Variants in GRID2 observed in about 807,000 individuals in gnomAD.
The protein encoded by GRID2 is glutamate ionotropic receptor delta type subunit 2, also known as glutamate receptor ionotropic, delta-2.
Under a neutral mutation model 114.8 loss-of-function variants are expected in GRID2, and 33 were observed. That is an observed-to-expected ratio of 0.29 (90% CI 0.22 to 0.38). GRID2 has a LOEUF of 0.38. Among genes scored for constraint, GRID2 ranks in the 10% least tolerant of loss-of-function variants. GRID2 has a pLI of 1.00. For synonymous variants in GRID2, 505 were observed against 449.9 expected (o/e 1.12, Z -1.55); for missense variants, 1,184 against 1,257.7 (o/e 0.94, Z 0.89).
chr4:93,794,025 G>GA (rs71581558), intron 1 of GRID2, among the ~76,000 whole-genome samples: 17,990 of 146,606 alleles, frequency 0.12, 1,353 homozygotes, highest in East Asian at 0.38. Flanking sequence ...CCCATCTGCA[G>GA]AAAAAAAAAA....
intron 2 of GRID2, among the ~76,000 whole-genome samples, chr4:92,879,329 C>A (rs1745842594): frequency 1.3e-5 from 2 of 151,984 alleles, no homozygotes; most frequent in Non-Finnish European, 2.9e-5. Flanking sequence ...AAATGACACC[C>A]AAAATAGTAC....
chr4:93,682,541 A>T lies in GRID2; in HGVS notation c.2360+56106A>T, dbSNP rs554846830. ...GACTTGGAACCAAGCCAAATGTCCA[A>T]CAATGATAGACTGGATTAAGAAAAT... On this transcript the variant is annotated intron_variant, in intron 14 of 15. Coordinates refer to ENST00000282020, the MANE Select transcript of GRID2 (RefSeq NM_001510.4). 1.1e-4 allele frequency among the ~76,000 whole-genome samples: 16 copies of T among 152,218 alleles called. No homozygotes were observed. The East Asian group carries it at 3.1e-3, about 29-fold the overall frequency.
intron 8 of GRID2, among the ~76,000 whole-genome samples, chr4:93,324,141 T>A (rs990501084): frequency 2.0e-5 from 3 of 151,990 alleles, no homozygotes; most frequent in Admixed American, 2.0e-4. Flanking sequence ...TCAAAGAGAG[T>A]GCTTCCAGTT....
intron 2 of GRID2, among the ~76,000 whole-genome samples, chr4:92,917,834 C>G (rs1748939686): frequency 1.3e-5 from 2 of 152,156 alleles, no homozygotes. Flanking sequence ...GCAATTCAGG[C>G]TCTTTTTTGG....
intron 2 of GRID2, among the ~76,000 whole-genome samples, chr4:92,936,695 C>G (rs1578527503): frequency 6.8e-6 from 1 of 146,096 alleles, no homozygotes; most frequent in Non-Finnish European, 1.5e-5. Context: ...ATTGCTGTAA[C>G]TTCAATTAAG....
At chr4:92,429,432 T>G (rs1732327759) in intron 1 of GRID2, among the ~76,000 whole-genome samples, 1 of 152,170 alleles carries the variant, frequency 6.6e-6, no homozygotes, top group Admixed American at 6.6e-5. Flanking sequence ...AGAACTTAAT[T>G]CTCTTTTATG....
intron 1 of GRID2, among the ~76,000 whole-genome samples, chr4:92,442,673 A>T (rs1472249220): frequency 1.8e-4 from 28 of 152,048 alleles, no homozygotes; most frequent in Non-Finnish European, 2.5e-4. Flanking sequence ...TAAAATGTAT[A>T]TTGAGAATAA....
chr4:92,729,334 AAT>A (rs1056725044), intron 2 of GRID2, among the ~76,000 whole-genome samples: 6 of 152,064 alleles, frequency 3.9e-5, no homozygotes, highest in African/African-American at 1.2e-4. Flanking sequence ...TGCTAAATAT[AAT>A]ATATACCCAA....
At chr4:92,568,558 T>TA (rs1333717298) in intron 1 of GRID2, among the ~76,000 whole-genome samples, 2 of 152,038 alleles carry the variant, frequency 1.3e-5, no homozygotes, top group Non-Finnish European at 2.9e-5. Flanking sequence ...AAAATTTCAT[T>TA]AAAAAATATG....
chr4:92,734,455 T>C (rs1030884951), intron 2 of GRID2, among the ~76,000 whole-genome samples: 24 of 151,876 alleles, frequency 1.6e-4, no homozygotes, highest in African/African-American at 5.8e-4. Flanking sequence ...CTATTTTATT[T>C]TCCTTTTTTA....
chr4:92,939,452 A>G (rs1265027854), intron 2 of GRID2, among the ~76,000 whole-genome samples: 1 of 147,046 alleles, frequency 6.8e-6, no homozygotes, highest in Non-Finnish European at 1.5e-5. Context: ...TTCATTGTAG[A>G]TTCTGGATAT....
In GRID2 at chr4:93,626,309, T is replaced by G; in HGVS notation, c.2234T>G (p.Val745Gly). The change falls in exon 14 of 16, where the codon GTA becomes GGA. Residue 745 changes from valine (V) to glycine (G), a missense_variant. By Grantham distance (109) the Val-to-Gly change is moderately radical. This residue lies in a region of GRID2 where 717 missense variants were observed against 796.9 expected (regional missense o/e 0.90). Coordinates refer to ENST00000282020, the MANE Select transcript of GRID2 (RefSeq NM_001510.4). ...GNYAFVWDAA[V>G]LEYVAINDPD... ...TATGCTTTCGTATGGGATGCAGCTG[T>G]ATTGGAATATGTGGCTATCAATGAC... 6.2e-7 allele frequency: 1 copy of G among 1,603,550 alleles called. No homozygotes were observed.
At chr4:93,505,600 A>T (rs1180505234) in intron 12 of GRID2, among the ~76,000 whole-genome samples, 1 of 148,724 alleles carries the variant, frequency 6.7e-6, no homozygotes, top group East Asian at 1.9e-4. Context: ...ATATATTATA[A>T]TATATATTTT....
intron 4 of GRID2, among the ~76,000 whole-genome samples, chr4:93,204,426 T>G (rs970842911): frequency 6.6e-6 from 1 of 152,176 alleles, no homozygotes; most frequent in Admixed American, 6.5e-5. Flanking sequence ...TATTTATCTG[T>G]AGTAATGTGC....
At chr4:93,634,807 A>C (rs1447115899) in intron 14 of GRID2, among the ~76,000 whole-genome samples, 1 of 152,098 alleles carries the variant, frequency 6.6e-6, no homozygotes, top group African/African-American at 2.4e-5. Context: ...ATAAGTTTGG[A>C]GAAAGGATAG....
chr4:93,679,510 C>T (rs1175814086), intron 14 of GRID2, among the ~76,000 whole-genome samples: 8 of 150,552 alleles, frequency 5.3e-5, no homozygotes, highest in African/African-American at 1.7e-4. Context: ...TATTCCAAAA[C>T]TGACCACATA....
At chr4:93,678,123 G>T (rs887244275) in intron 14 of GRID2, among the ~76,000 whole-genome samples, 2 of 152,184 alleles carry the variant, frequency 1.3e-5, no homozygotes, top group African/African-American at 4.8e-5. Flanking sequence ...AGAACTGCAT[G>T]AAGAATGTAG....
chr4:92,623,779 T>G (rs954929719), intron 2 of GRID2, among the ~76,000 whole-genome samples: 2 of 151,848 alleles, frequency 1.3e-5, no homozygotes, highest in Non-Finnish European at 2.9e-5. Flanking sequence ...ACCATTGAGT[T>G]GGAACTCAAG....
chr4:93,784,364 G>A (rs896143959), intron 1 of GRID2, among the ~76,000 whole-genome samples: 13 of 151,938 alleles, frequency 8.6e-5, no homozygotes, highest in African/African-American at 2.2e-4. Flanking sequence ...ATGACCAAGC[G>A]CCTCAGCTGA....
Sources: allele counts gnomAD v4.1 joint callset (sites outside exome capture counted in the v4.1 genomes callset), GRCh38; gene constraint gnomAD v4.1.1; regional missense constraint gnomAD v4.1.1; transcripts MANE v1.5; gene names NCBI Gene and HGNC (gene_info 2026-07-23, HGNC 2026-07-21).